Variants in LRRIQ1 observed in about 807,000 individuals in gnomAD.
LRRIQ1 encodes leucine rich repeats and IQ motif containing 1.
Under a neutral mutation model 211.9 loss-of-function variants are expected in LRRIQ1, and 210 were observed. The ratio of observed to expected loss-of-function variants is 0.99; its 90% confidence interval spans 0.89 to 1.11. LRRIQ1 has a LOEUF of 1.11. LRRIQ1 is among the 50% of genes most tolerant of loss of function. LRRIQ1 has a pLI of 0.00. For synonymous variants in LRRIQ1, 699 were observed against 650.1 expected (o/e 1.08, Z -1.14); for missense variants, 2,136 against 1,939.5 (o/e 1.10, Z -1.90).
chr12:85,236,839 A>ATATATC (rs1565921338), intron 26 of LRRIQ1, among the ~76,000 whole-genome samples: 1 of 141,270 alleles, frequency 7.1e-6, no homozygotes, highest in East Asian at 2.0e-4. Flanking sequence ...GCATATATAT[A>ATATATC]TATATATATA....
At chr12:85,064,410 T>C (rs1465471205) in intron 8 of LRRIQ1, among the ~76,000 whole-genome samples, 1 of 151,876 alleles carries the variant, frequency 6.6e-6, no homozygotes, top group African/African-American at 2.4e-5. Flanking sequence ...TCTTATATAT[T>C]CCGGTTACTA....
At chr12:85,126,204 C>G (rs1365091687) in intron 17 of LRRIQ1, among the ~76,000 whole-genome samples, 1 of 152,010 alleles carries the variant, frequency 6.6e-6, no homozygotes. Context: ...AAGAAAATAC[C>G]CCTCATCTAC....
In LRRIQ1 at chr12:85,123,336, G is replaced by A. The variant is rs529155064; in HGVS notation, c.3558-734G>A. On this transcript the variant is annotated intron_variant, in intron 16 of 26. Coordinates refer to ENST00000393217, the MANE Select transcript of LRRIQ1 (RefSeq NM_001079910.2). ...AGCTTGTGGCAATATATTAAATATA[G>A]CCAGAAAATACAAGTTAGAAATAAG... is the stretch of plus-strand genomic sequence containing the variant. Among the ~76,000 whole-genome samples the A allele has an allele frequency of 3.3e-5, 5 of 151,848 alleles. No homozygotes were observed. The East Asian group carries it at 9.7e-4, about 29-fold the overall frequency.
intron 8 of LRRIQ1, among the ~76,000 whole-genome samples, chr12:85,060,641 A>T (rs1388478200): frequency 6.6e-6 from 1 of 151,914 alleles, no homozygotes; most frequent in Non-Finnish European, 1.5e-5. Context: ...CAAACCACTA[A>T]TCAAACCTTG....
In LRRIQ1 at chr12:85,121,788, C is replaced by T; in HGVS notation, c.3469C>T (p.Gln1157Ter). The change falls in exon 16 of 27, where the codon CAA becomes TAA. Residue 1157 changes from glutamine to a stop codon, truncating the protein, a stop_gained. Coordinates refer to ENST00000393217, the MANE Select transcript of LRRIQ1 (RefSeq NM_001079910.2). LOFTEE classifies it high-confidence loss of function. ...NSESRTEEHN[Q>*]LGSAGFLALC... is the part of the protein sequence containing the mutation. ...AGAAAGCCGCACTGAAGAACACAAT[C>T]AACTGGGATCAGCAGGTTTCCTGGC... 1 of 1,608,510 alleles carries T rather than the reference C, an allele frequency of 6.2e-7. No individual in the cohort carries two copies. Among genetic ancestry groups the T allele is most frequent in the Non-Finnish European group, 8.5e-7 (1 of 1,177,364 alleles).
intron 11 of LRRIQ1, chr12:85,076,721 A>G (rs188171253): frequency 5.7e-6 from 1 of 175,700 alleles, no homozygotes; most frequent in East Asian, 1.9e-4. Context: ...AGGAAAAATA[A>G]AGTAAGAACT....
At chr12:85,217,508 A>ATGTG (rs370971727) in intron 24 of LRRIQ1, among the ~76,000 whole-genome samples, 1,409 of 64,212 alleles carry the variant, frequency 0.022, 27 homozygotes, top group South Asian at 0.048. Context: ...ATATATATAT[A>ATGTG]TGTGTGTGTG....
intron 24 of LRRIQ1, among the ~76,000 whole-genome samples, chr12:85,161,926 G>A (rs1890904874): frequency 6.6e-6 from 1 of 151,998 alleles, no homozygotes; most frequent in Admixed American, 6.6e-5. Context: ...TGTAGTCCCA[G>A]CTACTCGGAG....
downstream of LRRIQ1, among the ~76,000 whole-genome samples, chr12:85,249,744 TTTCTTTAACATTCATGGAC>T (rs1895849308): frequency 6.6e-6 from 1 of 151,936 alleles, no homozygotes; most frequent in South Asian, 2.1e-4. Flanking sequence ...ACAAAAACAT[TTTCTTTAACATTCATGGAC>T]TTCTTTATAA....
intron 24 of LRRIQ1, among the ~76,000 whole-genome samples, chr12:85,220,106 C>G (rs1894328176): frequency 1.3e-5 from 2 of 152,056 alleles, no homozygotes; most frequent in South Asian, 4.1e-4. Flanking sequence ...TACATAGAAT[C>G]AGCCATTTAT....
intron 24 of LRRIQ1, among the ~76,000 whole-genome samples, chr12:85,192,811 T>C (rs1188413410): frequency 4.2e-4 from 40 of 95,550 alleles, no homozygotes; most frequent in African/African-American, 1.9e-3. Flanking sequence ...ACTATAATTA[T>C]ATATAAATAT....
chr12:85,253,042 T>A (rs1347163825), intron 1 of LRRIQ1, among the ~76,000 whole-genome samples: 1 of 151,984 alleles, frequency 6.6e-6, no homozygotes, highest in Non-Finnish European at 1.5e-5. Flanking sequence ...AGTAATGGGA[T>A]TTCAAAAAGA....
At chr12:85,082,194 T>C (rs1403162706) in intron 11 of LRRIQ1, among the ~76,000 whole-genome samples, 1 of 152,182 alleles carries the variant, frequency 6.6e-6, no homozygotes. Flanking sequence ...TCGAAGTTTA[T>C]TTCAGTAATT....
chr12:85,067,170 G>A (rs2136070322), intron 10 of LRRIQ1, among the ~76,000 whole-genome samples: 1 of 151,944 alleles, frequency 6.6e-6, no homozygotes, highest in South Asian at 2.1e-4. Context: ...AGCTCTATGG[G>A]AATATAACAA....
intron 24 of LRRIQ1, among the ~76,000 whole-genome samples, chr12:85,220,883 T>C (rs1451093280): frequency 1.3e-5 from 2 of 149,546 alleles, no homozygotes; most frequent in African/African-American, 2.5e-5. Context: ...TCCTGGCTCA[T>C]TGCAAACCCC....
chr12:85,137,441 T>C (rs886912232), intron 18 of LRRIQ1, among the ~76,000 whole-genome samples: 6 of 151,664 alleles, frequency 4.0e-5, no homozygotes, highest in Non-Finnish European at 8.9e-5. Flanking sequence ...CTGTATAATA[T>C]GGCCATTTAT....
chr12:85,077,980 CCT>C (rs1883845953), intron 11 of LRRIQ1, among the ~76,000 whole-genome samples: 1 of 107,780 alleles, frequency 9.3e-6, no homozygotes, highest in Non-Finnish European at 1.8e-5. Flanking sequence ...AGAACGAGAC[CCT>C]GTCTCAAAAA....
At chr12:85,055,470 T>C (rs1880878069) in intron 7 of LRRIQ1, 77 bp from the exon 8 acceptor site, 15 of 1,163,992 alleles carry the variant, frequency 1.3e-5, no homozygotes, top group Middle Eastern at 3.1e-4. Context: ...TTGTTTTCAA[T>C]CTACATTTCA....
intron 19 of LRRIQ1, among the ~76,000 whole-genome samples, chr12:85,147,618 C>G (rs540213917): frequency 8.6e-5 from 13 of 151,686 alleles, no homozygotes; most frequent in Admixed American, 2.6e-4. Context: ...AGAATTTAAG[C>G]GAACTTGGGT....
Sources: allele counts gnomAD v4.1 joint callset (sites outside exome capture counted in the v4.1 genomes callset), GRCh38; gene constraint gnomAD v4.1.1; transcripts MANE v1.5; gene names NCBI Gene and HGNC (gene_info 2026-07-23, HGNC 2026-07-21).